MUC5AC: variants seen among roughly 807,000 people sequenced by gnomAD.
The protein encoded by MUC5AC is mucin-5AC.
A neutral mutation model predicts 169.7 loss-of-function variants in MUC5AC; 158 were observed. The observed-to-expected ratio is 0.93, with a 90% CI of 0.82 to 1.06. The LOEUF is 1.06. Among genes scored for constraint, MUC5AC ranks in the 50% least tolerant of loss-of-function variants. The probability of loss-of-function intolerance (pLI) is 0.00; values close to 1 mark genes in which losing one functional copy is unlikely to be tolerated. For missense variants in MUC5AC, 4,359 were observed against 3,089.9 expected (o/e 1.41, Z -9.74); for synonymous variants, 1,975 against 1,237.0 (o/e 1.60, Z -12.52).
intron 30 of MUC5AC, 109 bp downstream of exon 30, chr11:1,181,568 C>G (rs933961259): frequency 5.0e-6 from 2 of 398,022 alleles, no homozygotes; most frequent in Non-Finnish European, 8.8e-6. Flanking sequence ...TGGGCGGCAG[C>G]CCCTGAGGAT....
Position 1,192,883 on chromosome 11 carries a change from G to A in MUC5AC, c.14481G>A (p.Pro4827=), listed in dbSNP as rs773493397. 16 of 764,380 alleles carry A rather than the reference G, an allele frequency of 2.1e-5. 1 individual carries two copies. Among genetic ancestry groups the A allele is most frequent in the Middle Eastern group, 2.2e-4 (1 of 4,458 alleles). The allele number at this position is 764,380 out of a possible 1,614,324, so 47.3% of individuals were successfully genotyped here. The change falls in exon 32 of 49, where the codon CCG becomes CCA. Residue 4827 remains proline (P), a synonymous_variant. Coordinates refer to ENST00000621226, the MANE Select transcript of MUC5AC (RefSeq NM_001304359.2). The stretch of plus-strand genomic sequence containing the variant: ...TCAGAGGGGTTGACAGTGACTGTCC[G>A]TCCACCACGCTGCCTCCTGCCCCAG... The part of the protein sequence containing the change: ...QVVRGVDSDC[P]STTLPPAPAT...
At chr11:1,169,901 A>C (rs1269464394) in intron 15 of MUC5AC, among the ~76,000 whole-genome samples, 16 of 49,454 alleles carry the variant, frequency 3.2e-4, no homozygotes, top group East Asian at 6.7e-4. Flanking sequence ...CACCGACTCA[A>C]CCATTCACTC....
intron 16 of MUC5AC, among the ~76,000 whole-genome samples, chr11:1,172,742 A>G (rs1229565131): frequency 6.8e-6 from 1 of 147,580 alleles, no homozygotes; most frequent in Non-Finnish European, 1.5e-5. Flanking sequence ...ACTCACCCAC[A>G]CACTCACCCA....
chr11:1,200,250 C>CG (rs1313409754), intron 48 of MUC5AC, among the ~76,000 whole-genome samples, 188 bp from the exon 49 acceptor site: 1 of 152,224 alleles, frequency 6.6e-6, no homozygotes, highest in Admixed American at 6.5e-5. Flanking sequence ...AGCACGGAGC[C>CG]GGGGTCGGCC....
chr11:1,196,240 G>A (rs1252113488), intron 37 of MUC5AC, 148 bp from the exon 38 acceptor site: 11 of 645,694 alleles, frequency 1.7e-5, no homozygotes, highest in African/African-American at 3.6e-5. Context: ...AGCCCGTGGC[G>A]GGGCACTGGG....
chr11:1,178,714 C>T, intron 25 of MUC5AC, 31 bp downstream of exon 25: 3 of 1,157,460 alleles, frequency 2.6e-6, no homozygotes, highest in Non-Finnish European at 3.3e-6. Context: ...TTCTCTGGGC[C>T]CAAGGGGGTC....
intron 11 of MUC5AC, among the ~76,000 whole-genome samples, chr11:1,166,592 CT>C (rs1334466633): frequency 5.1e-4 from 16 of 31,282 alleles, no homozygotes; most frequent in Non-Finnish European, 8.5e-4. Context: ...CACACAGTCT[CT>C]GCACGATGAG....
In MUC5AC at chr11:1,192,177, G is replaced by A; in HGVS notation, c.14032G>A (p.Ala4678Thr). 1 of 765,124 alleles carries A rather than the reference G, an allele frequency of 1.3e-6. No homozygotes were observed. The allele number at this position is 765,124 out of a possible 1,614,324, so 47.4% of individuals were successfully genotyped here. A position where few individuals can be genotyped will look rare whatever the true frequency, so the allele number is the denominator to read the frequency against. ...PEEITRLQCR[A>T]ESHPEVNIEH... is the part of the protein sequence containing the mutation. The stretch of plus-strand genomic sequence containing the variant: ...GGAGATCACCAGGCTCCAGTGCCGA[G>A]CCGAGAGCCACCCGGAGGTGAACAT... The change falls in exon 31 of 49, where the codon GCC (alanine) becomes ACC (threonine). Residue 4678 changes from alanine (A) to threonine (T), a missense_variant. Transcript: ENST00000621226.
chr11:1,170,435 A>AC, intron 15 of MUC5AC, among the ~76,000 whole-genome samples: 1 of 129,928 alleles, frequency 7.7e-6, no homozygotes, highest in Non-Finnish European at 1.7e-5. Flanking sequence ...CCATTCACCC[A>AC]TTCACCCACT....
intron 7 of MUC5AC, 35 bp from the exon 8 acceptor site, chr11:1,164,071 C>A (rs1860229492): frequency 5.6e-6 from 9 of 1,610,466 alleles, no homozygotes; most frequent in African/African-American, 1.3e-5. Flanking sequence ...AGATCCCCCA[C>A]CGAGGACTCA....
At chr11:1,168,810 C>A (rs760747379) in intron 14 of MUC5AC, 31 bp downstream of exon 14, 5 of 1,582,912 alleles carry the variant, frequency 3.2e-6, no homozygotes, top group Non-Finnish European at 4.3e-6. Flanking sequence ...GCTTGGAGCC[C>A]ACCCACTCTG....
chr11:1,191,879 C>G lies in MUC5AC; in HGVS notation c.13734C>G (p.Thr4578=), dbSNP rs1861117652. The change falls in exon 31 of 49, where the codon ACC becomes ACG. Residue 4578 remains threonine, a synonymous_variant. Coordinates refer to ENST00000621226, the MANE Select transcript of MUC5AC (RefSeq NM_001304359.2). The part of the protein sequence containing the change: ...TPSPVPTTST[T]SAPTTSTTSG... The stretch of plus-strand genomic sequence containing the variant: ...GCCCTGTTCCCACCACCAGCACAAC[C>G]TCTGCTCCTACAACCAGCACGACCT... 1.3e-6 allele frequency: 1 copy of G among 763,204 alleles called. No individual in the cohort carries two copies. Among genetic ancestry groups the G allele is most frequent in the Non-Finnish European group, 2.4e-6 (1 of 417,414 alleles). 47.3% of individuals were successfully genotyped at this position (763,204 alleles called of 1,614,324 possible). A position where few individuals can be genotyped will look rare whatever the true frequency, so the allele number is the denominator to read the frequency against.
In MUC5AC at chr11:1,162,631, CGAT is replaced by C; in HGVS notation, c.576_578del (p.Asp193del). On this transcript the variant is annotated inframe_deletion, in exon 5 of 49. Coordinates refer to ENST00000621226, the MANE Select transcript of MUC5AC (RefSeq NM_001304359.2). ...TGGGCCTTGTCCTCATGTGGAACCA[CGAT>C]GACAGCCTGCTGGTGAGGCTGGGTG... 3.1e-6 allele frequency: 5 copies of C among 1,612,660 alleles called. No homozygotes were observed. The highest frequency in any genetic ancestry group is 4.2e-6 in the Non-Finnish European group (5 of 1,179,792).
In MUC5AC at chr11:1,191,206, C is replaced by A. The variant is rs1861088382; in HGVS notation, c.13061C>A (p.Thr4354Asn). ...AGCCCTGTTCCCACCACCAGCACAA[C>A]CTCTGCTCCTACAACCAGCACAACC... ...TPSPVPTTST[T>N]SAPTTSTTSA... Residue 4354 changes from threonine to asparagine, a missense_variant, in exon 31 of 49, where the codon ACC (threonine) becomes AAC (asparagine). Physicochemically the swap from Thr to Asn is moderately conservative, Grantham distance 65. Coordinates refer to ENST00000621226, the MANE Select transcript of MUC5AC (RefSeq NM_001304359.2). The A allele has an allele frequency of 1.3e-6, 1 of 744,968 alleles. No individual in the cohort carries two copies. The highest frequency in any genetic ancestry group is 2.5e-6 in the Non-Finnish European group (1 of 405,270). The allele number at this position is 744,968 out of a possible 1,614,324, so 46.1% of individuals were successfully genotyped here.
At chr11:1,160,496 C>T in intron 1 of MUC5AC, 116 bp from the exon 2 acceptor site, 1 of 821,796 alleles carries the variant, frequency 1.2e-6, no homozygotes, top group Non-Finnish European at 2.0e-6. Context: ...TGCCACGGGC[C>T]ACCCCCACGC....
intron 19 of MUC5AC, 121 bp downstream of exon 19, chr11:1,175,391 T>C: frequency 5.0e-6 from 2 of 397,892 alleles, no homozygotes; most frequent in Non-Finnish European, 8.9e-6. Context: ...GTCCATCAGC[T>C]GCTCAGTGTC....
chr11:1,193,809 C>G (rs577244026), intron 33 of MUC5AC, 150 bp downstream of exon 33: 1 of 625,488 alleles, frequency 1.6e-6, no homozygotes. Flanking sequence ...AAGGCGGGGC[C>G]GCATGGGGCC....
chr11:1,167,443 C>T (rs914129638), intron 11 of MUC5AC, among the ~76,000 whole-genome samples: 1 of 152,224 alleles, frequency 6.6e-6, no homozygotes, highest in African/African-American at 2.4e-5. Flanking sequence ...ACCCTCACCT[C>T]CCAGGTCATG....
intron 11 of MUC5AC, among the ~76,000 whole-genome samples, chr11:1,167,120 C>T (rs1340818551): frequency 1.7e-5 from 2 of 119,704 alleles, no homozygotes; most frequent in Non-Finnish European, 3.5e-5. Flanking sequence ...CAGTCTCCCA[C>T]GATGAGACCC....
Sources: allele counts gnomAD v4.1 joint callset (sites outside exome capture counted in the v4.1 genomes callset), GRCh38; gene constraint gnomAD v4.1.1; transcripts MANE v1.5; gene names NCBI Gene and HGNC (gene_info 2026-07-23, HGNC 2026-07-21).